USP6NL: variants seen among roughly 807,000 people sequenced by gnomAD.
The protein encoded by USP6NL is USP6 N-terminal-like protein.
Under a neutral mutation model 61.9 loss-of-function variants are expected in USP6NL, and 26 were observed. That is an observed-to-expected ratio of 0.42 (90% CI 0.31 to 0.58). USP6NL has a LOEUF of 0.58. Among genes scored for constraint, USP6NL ranks in the 20% least tolerant of loss-of-function variants. USP6NL has a pLI of 0.16. For synonymous variants in USP6NL, 432 were observed against 390.1 expected (o/e 1.11, Z -1.27); for missense variants, 1,114 against 1,034.3 (o/e 1.08, Z -1.06).
chr10:11,498,624 A>G (rs1713811552), intron 7 of USP6NL, among the ~76,000 whole-genome samples: 1 of 152,208 alleles, frequency 6.6e-6, no homozygotes, highest in South Asian at 2.1e-4. Flanking sequence ...ACATAAAAGT[A>G]TTCAAACAAT....
rs199869913 is a variant in USP6NL at position 11,518,536 on chromosome 10, C to T, written c.194G>A (p.Arg65Gln). 2 of 1,612,760 alleles carry T rather than the reference C, an allele frequency of 1.2e-6. No homozygotes were observed. The highest frequency in any genetic ancestry group is 1.1e-5 in the South Asian group (1 of 90,790). The change falls in exon 5 of 15, where the codon CGG (arginine) becomes CAG (glutamine). Residue 65 changes from arginine (R) to glutamine (Q), a missense_variant and splice_region_variant. Physicochemically the swap from Arg to Gln is conservative, Grantham distance 43. Transcript: ENST00000609104. This position sits in a 1 kb window ranked among gnomAD's most constrained non-coding sequence, Gnocchi z 5.3. Reference protein sequence around the residue: ...ELPDHNVAVERQKHLEIERTT... With the variant: ...ELPDHNVAVEQQKHLEIERTT... ...AAATACATCAAGAGCAGGACTTACC[C>T]GTTCCACAGCCACATTATGATCTGG...
At position 11,513,669 on chromosome 10, in the gene USP6NL, T is replaced by C. The variant is rs1834823288; in HGVS notation, c.196-3994A>G. ...CATCCCTAAATATTTCAAGTACGTA[T>C]CGCCTAAGAATGAAAACACATTATC... On this transcript the variant is annotated intron_variant, in intron 5 of 14. Transcript: ENST00000609104. The surrounding 1 kb of genome is among the most constrained non-coding windows in gnomAD (Gnocchi z 4.7). 6.6e-6 allele frequency among the ~76,000 whole-genome samples: 1 copy of C among 152,250 alleles called. No homozygotes were observed. Among genetic ancestry groups the C allele is most frequent in the Non-Finnish European group, 1.5e-5 (1 of 68,044 alleles).
rs74116277 is a variant in USP6NL at position 11,597,250 on chromosome 10, T to A, written c.4+381A>T. On this transcript the variant is annotated intron_variant, in intron 2 of 14. Coordinates refer to ENST00000609104, the MANE Select transcript of USP6NL (RefSeq NM_014688.5). The surrounding 1 kb of genome is among the most constrained non-coding windows in gnomAD (Gnocchi z 4.6). ...GGTTTTTTTTCCCTTAAATACAATA[T>A]AACCCATGTTACTCAATGATTAAAT... Among the ~76,000 whole-genome samples the A allele has an allele frequency of 3.2e-3, 484 of 152,288 alleles. 6 individuals carry two copies. Among genetic ancestry groups the A allele is most frequent in the African/African-American group, 0.011 (472 of 41,554 alleles).
At chr10:11,568,183 G>A (rs890035786) in intron 2 of USP6NL, among the ~76,000 whole-genome samples, 30 of 151,994 alleles carry the variant, frequency 2.0e-4, no homozygotes, top group Non-Finnish European at 2.4e-4. Context: ...GTGCGCGCGC[G>A]CGTGCTTGTA....
Position 11,465,046 on chromosome 10 carries a change from G to C in USP6NL, c.1079-1197C>G, listed in dbSNP as rs1437375423. Among the ~76,000 whole-genome samples the C allele has an allele frequency of 6.6e-6, 1 of 152,180 alleles. No homozygotes were observed. Among genetic ancestry groups the C allele is most frequent in the African/African-American group, 2.4e-5 (1 of 41,430 alleles). ...TTTCTATCAGCTCTACAAATAGGTAGTCATCCATTTAGTCCCAGATAAATA... is the reference window on the plus strand; with the variant it reads ...TTTCTATCAGCTCTACAAATAGGTACTCATCCATTTAGTCCCAGATAAATA... On this transcript the variant is annotated intron_variant, in intron 14 of 14. Transcript: ENST00000609104. The surrounding 1 kb of genome is among the most constrained non-coding windows in gnomAD (Gnocchi z 4.5).
chr10:11,605,345 C>T (rs931725071), intron 1 of USP6NL, among the ~76,000 whole-genome samples: 5 of 152,060 alleles, frequency 3.3e-5, no homozygotes, highest in African/African-American at 1.2e-4. Flanking sequence ...AACTTAGAAG[C>T]AAACTAAACC....
chr10:11,501,313 T>A, intron 6 of USP6NL, 105 bp from the exon 7 acceptor site: 1 of 863,494 alleles, frequency 1.2e-6, no homozygotes, highest in Non-Finnish European at 1.7e-6. Context: ...TTTCAAAGCA[T>A]CTATGGCAAT....
At position 11,489,868 on chromosome 10, in the gene USP6NL, C is replaced by G. The variant is rs910084378; in HGVS notation, c.544-646G>C. Among the ~76,000 whole-genome samples, 1 of 152,168 alleles carries G rather than the reference C, an allele frequency of 6.6e-6. No individual in the cohort carries two copies. Among genetic ancestry groups the G allele is most frequent in the African/African-American group, 2.4e-5 (1 of 41,426 alleles). On this transcript the variant is annotated intron_variant, in intron 9 of 14. Coordinates refer to ENST00000609104, the MANE Select transcript of USP6NL (RefSeq NM_014688.5). This position sits in a 1 kb window ranked among gnomAD's most constrained non-coding sequence, Gnocchi z 5.7. ...CAGAGACTGTAATCAGATGGGGGTACGTACTGGAACAGAATGCTCACAATG... is the reference window on the plus strand; with the variant it reads ...CAGAGACTGTAATCAGATGGGGGTAGGTACTGGAACAGAATGCTCACAATG...
chr10:11,492,527 A>G (rs977569723), intron 8 of USP6NL, among the ~76,000 whole-genome samples: 3 of 152,214 alleles, frequency 2.0e-5, no homozygotes, highest in African/African-American at 7.2e-5. Flanking sequence ...CGAGGCCCAG[A>G]CTGTCCTTTC....
chr10:11,471,998 C>T (rs914308400), intron 14 of USP6NL, among the ~76,000 whole-genome samples: 1 of 151,616 alleles, frequency 6.6e-6, no homozygotes, highest in African/African-American at 2.4e-5. Flanking sequence ...TGCCCTACTC[C>T]TTAAAGGGTA....
chr10:11,566,515 T>C lies in USP6NL; in HGVS notation c.4+31116A>G, dbSNP rs538059439. On this transcript the variant is annotated intron_variant, in intron 2 of 14. Coordinates refer to ENST00000609104, the MANE Select transcript of USP6NL (RefSeq NM_014688.5). ...TTGAGGTTATTAATCCAATTTTACA[T>C]ATGAGGAAACTGAAGCACAGAGAAA... is the stretch of plus-strand genomic sequence containing the variant. Among the ~76,000 whole-genome samples, 21 of 152,286 alleles carry C rather than the reference T, an allele frequency of 1.4e-4. No individual in the cohort carries two copies. In the South Asian group the frequency reaches 3.1e-3, roughly 23 times the overall value.
At chr10:11,521,339 A>G (rs1011616482) in intron 4 of USP6NL, among the ~76,000 whole-genome samples, 3 of 146,966 alleles carry the variant, frequency 2.0e-5, no homozygotes, top group African/African-American at 7.4e-5. Context: ...AATATATATT[A>G]TATATTATTA....
intron 2 of USP6NL, chr10:11,565,294 T>C (rs890797246): frequency 2.0e-5 from 3 of 151,918 alleles, no homozygotes; most frequent in Admixed American, 1.3e-4. Flanking sequence ...TCAAAGAACA[T>C]GAGAGATAAC....
At chr10:11,605,163 C>A (rs142383408) in intron 1 of USP6NL, among the ~76,000 whole-genome samples, 1 of 152,162 alleles carries the variant, frequency 6.6e-6, no homozygotes, top group African/African-American at 2.4e-5. Flanking sequence ...AAGCAAGGAA[C>A]CTTGAGGCTT....
intron 2 of USP6NL, among the ~76,000 whole-genome samples, chr10:11,584,477 C>T (rs1327078048): frequency 6.6e-6 from 1 of 152,122 alleles, no homozygotes; most frequent in African/African-American, 2.4e-5. Flanking sequence ...TGGAAGACTG[C>T]CAACAGTGTC....
chr10:11,526,471 A>G (rs945059378), intron 3 of USP6NL, among the ~76,000 whole-genome samples: 2 of 152,224 alleles, frequency 1.3e-5, no homozygotes, highest in African/African-American at 2.4e-5. Flanking sequence ...AATGAGAGTG[A>G]CACTGGTTTT....
intron 1 of USP6NL, among the ~76,000 whole-genome samples, chr10:11,599,353 T>G (rs1319236264): frequency 6.6e-6 from 1 of 152,188 alleles, no homozygotes; most frequent in Admixed American, 6.5e-5. Context: ...AATCTTAAAT[T>G]TAAAACTCCT....
In USP6NL at chr10:11,474,483, G is replaced by A. The variant is rs932743348; in HGVS notation, c.1078+7287C>T. ...TACATTTATAAAGGCAATTAAAAAC[G>A]TTTGTAGGAATTTATGTTTATAAGT... On this transcript the variant is annotated intron_variant, in intron 14 of 14. Transcript: ENST00000609104. The surrounding 1 kb of genome is among the most constrained non-coding windows in gnomAD (Gnocchi z 4.9). 5.9e-5 allele frequency among the ~76,000 whole-genome samples: 9 copies of A among 152,110 alleles called. No individual in the cohort carries two copies. The highest frequency in any genetic ancestry group is 1.9e-4 in the African/African-American group (8 of 41,420).
intron 2 of USP6NL, among the ~76,000 whole-genome samples, chr10:11,578,966 G>C (rs886840138): frequency 6.6e-6 from 1 of 152,130 alleles, no homozygotes. Flanking sequence ...ACAGAAATTA[G>C]CAAACACTAC....
Sources: gnomAD v4.1 joint callset for allele counts (sites outside exome capture counted in the v4.1 genomes callset) on GRCh38, gnomAD v4.1.1 for gene constraint, Gnocchi (gnomAD v3.1) non-coding constraint, MANE v1.5 for transcripts, NCBI Gene and HGNC (gene_info 2026-07-23, HGNC 2026-07-21) for gene names.